PTPRG: variants seen among roughly 807,000 people sequenced by gnomAD.
PTPRG encodes the protein receptor-type tyrosine-protein phosphatase gamma.
In PTPRG, 102 loss-of-function variants were observed where a neutral mutation model predicts 165.3. That is an observed-to-expected ratio of 0.62 (90% confidence interval 0.53 to 0.73). PTPRG has a LOEUF of 0.73. Among genes scored for constraint, PTPRG ranks in the 30% least tolerant of loss-of-function variants. The pLI is 0.00. For synonymous variants in PTPRG, 675 were observed against 669.5 expected, an observed-to-expected ratio of 1.01 and a Z score of -0.13; for missense variants, 1,866 against 1,861.4, an observed-to-expected ratio of 1.00 and a Z score of -0.05.
intron 4 of PTPRG, among the ~76,000 whole-genome samples, chr3:62,012,334 G>T (rs536252876): frequency 6.6e-6 from 1 of 152,210 alleles, no homozygotes; most frequent in East Asian, 1.9e-4. Flanking sequence ...TGTTTTTCTT[G>T]TCATTGTTTT....
At chr3:61,889,726 C>T (rs553088639) in intron 2 of PTPRG, among the ~76,000 whole-genome samples, 74 of 152,310 alleles carry the variant, frequency 4.9e-4, no homozygotes, top group African/African-American at 1.6e-3. Flanking sequence ...TGGCATCACA[C>T]TCTTCCCCAG....
chr3:61,675,618 G>A (rs1248541721), intron 1 of PTPRG, among the ~76,000 whole-genome samples: 1 of 152,012 alleles, frequency 6.6e-6, no homozygotes, highest in Non-Finnish European at 1.5e-5. Flanking sequence ...GCAGTTGTAT[G>A]TCTTTTTTCT....
At chr3:62,075,761 C>T (rs1009879046) in intron 4 of PTPRG, among the ~76,000 whole-genome samples, 16 of 151,918 alleles carry the variant, frequency 1.1e-4, no homozygotes, top group East Asian at 1.9e-4. Flanking sequence ...TATTGTTCAC[C>T]GTCAAATCTC....
rs1347813298 is a variant in PTPRG at position 62,213,090 on chromosome 3, T to C, written c.2156-5761T>C. On this transcript the variant is annotated intron_variant, in intron 12 of 29. Transcript: ENST00000474889. This position sits in a 1 kb window ranked among gnomAD's most constrained non-coding sequence, Gnocchi z 4.4. ...CAGTAACTGGGCAGCTCAGTTCTGC[T>C]GGACCCTTCAGGAGGCAGCTAGGTT... Among the ~76,000 whole-genome samples, 1 of 152,168 alleles carries C rather than the reference T, an allele frequency of 6.6e-6. No homozygotes were observed. The highest frequency in any genetic ancestry group is 1.5e-5 in the Non-Finnish European group (1 of 68,028).
At chr3:62,167,885 G>A (rs1705055790) in intron 7 of PTPRG, 86 bp from the exon 8 acceptor site, 3 of 1,382,760 alleles carry the variant, frequency 2.2e-6, no homozygotes, top group Non-Finnish European at 3.1e-6. Flanking sequence ...ACCTTCACCT[G>A]CTTTGGACCA....
rs77715924 is a variant in PTPRG at position 61,748,966 on chromosome 3, G to A, written c.174G>A (p.Pro58=). Residue 58 remains proline (P), a synonymous_variant, in exon 2 of 30, where the codon CCG becomes CCA. Transcript: ENST00000474889. ...GCAGGCGCAAGGCTTCAGGCGACCC[G>A]TACTGGGCCTACTCTGGTAAGTCCA... ...QIRRRKASGD[P]YWAYSGAYGP... is the part of the protein sequence containing the mutation. 5,159 of 1,611,482 alleles carry A rather than the reference G, an allele frequency of 3.2e-3. 138 individuals are homozygous for A. In the African/African-American group the frequency reaches 0.062, roughly 19 times the overall value.
chr3:62,017,591 A>AATT (rs1553705148), intron 4 of PTPRG, among the ~76,000 whole-genome samples: 1 of 142,806 alleles, frequency 7.0e-6, no homozygotes, highest in Non-Finnish European at 1.5e-5. Flanking sequence ...AATTTTTTGT[A>AATT]TTTTTTTTTT....
chr3:61,841,189 C>T (rs771078565), intron 2 of PTPRG, among the ~76,000 whole-genome samples: 1 of 152,126 alleles, frequency 6.6e-6, no homozygotes. Flanking sequence ...TAGAAGTTTA[C>T]GCCAAAAATG....
At chr3:61,740,885 G>A (rs2032953830) in intron 1 of PTPRG, among the ~76,000 whole-genome samples, 1 of 152,056 alleles carries the variant, frequency 6.6e-6, no homozygotes, top group Non-Finnish European at 1.5e-5. Context: ...TGTATTTGAG[G>A]TTAGCTCAGT....
intron 2 of PTPRG, among the ~76,000 whole-genome samples, chr3:61,859,760 CT>C (rs1187830684): frequency 1.3e-5 from 2 of 152,020 alleles, no homozygotes; most frequent in Non-Finnish European, 2.9e-5. Context: ...TCAAAATTAC[CT>C]TTCTGTTGGC....
At chr3:61,795,829 C>T (rs1242864940) in intron 2 of PTPRG, among the ~76,000 whole-genome samples, 1 of 152,070 alleles carries the variant, frequency 6.6e-6, no homozygotes, top group Non-Finnish European at 1.5e-5. Context: ...TCCCCACCCC[C>T]ATTACAAAGT....
intron 1 of PTPRG, among the ~76,000 whole-genome samples, chr3:61,704,434 G>A (rs970564492): frequency 3.3e-5 from 5 of 152,086 alleles, no homozygotes; most frequent in Non-Finnish European, 7.4e-5. Context: ...CCTTTTCTTG[G>A]TAATCTGTTG....
At chr3:61,995,937 A>G (rs751537960) in intron 3 of PTPRG, among the ~76,000 whole-genome samples, 13 of 151,048 alleles carry the variant, frequency 8.6e-5, no homozygotes, top group Non-Finnish European at 1.6e-4. Context: ...TTGTTGTTTC[A>G]TTCTCTCCCG....
At chr3:61,748,093 A>G (rs756421799) in intron 1 of PTPRG, among the ~76,000 whole-genome samples, 2 of 152,112 alleles carry the variant, frequency 1.3e-5, no homozygotes, top group Non-Finnish European at 2.9e-5. Context: ...TGATTTTGAG[A>G]TTTCAAATAT....
chr3:61,704,823 G>A (rs1474287050), intron 1 of PTPRG, among the ~76,000 whole-genome samples: 1 of 152,166 alleles, frequency 6.6e-6, no homozygotes, highest in Non-Finnish European at 1.5e-5. Flanking sequence ...GAGATGAACT[G>A]CATTTGTTCA....
intron 5 of PTPRG, among the ~76,000 whole-genome samples, chr3:62,106,849 C>T (rs1174153373): frequency 6.6e-6 from 1 of 152,120 alleles, no homozygotes; most frequent in Non-Finnish European, 1.5e-5. Context: ...CACTGAGTAT[C>T]TTTGGGTGTA....
intron 1 of PTPRG, among the ~76,000 whole-genome samples, chr3:61,686,329 A>G (rs1335145885): frequency 6.6e-6 from 1 of 152,188 alleles, no homozygotes; most frequent in Non-Finnish European, 1.5e-5. Flanking sequence ...TTTGGCCCAT[A>G]CTAGCCCTCT....
chr3:62,191,517 C>G lies in PTPRG; in HGVS notation c.1082C>G (p.Thr361Arg). The G allele has an allele frequency of 6.2e-7, 1 of 1,614,146 alleles. No individual in the cohort carries two copies. The highest frequency in any genetic ancestry group is 8.5e-7 in the Non-Finnish European group (1 of 1,180,010). The part of the protein sequence containing the change: ...IHMKVQPLNQ[T>R]ALQVSWSQPE... ...ATGAAGGTGCAGCCTCTGAACCAGA[C>G]GGCACTGCAGGTGTCCTGGAGCCAG... is the stretch of plus-strand genomic sequence containing the variant. Residue 361 changes from threonine (T) to arginine (R), a missense_variant, in exon 9 of 30, where the codon ACG (threonine) becomes AGG (arginine). Thr to Arg is a moderately conservative substitution (Grantham distance 71, BLOSUM62 -1). Around this residue, in one of 3 missense-constraint regions of PTPRG, gnomAD observed 1,452 missense variants for 1,463.0 expected, o/e 0.99. Coordinates refer to ENST00000474889, the MANE Select transcript of PTPRG (RefSeq NM_002841.4).
At chr3:61,832,131 G>T (rs960925718) in intron 2 of PTPRG, among the ~76,000 whole-genome samples, 2 of 152,072 alleles carry the variant, frequency 1.3e-5, no homozygotes, top group Non-Finnish European at 2.9e-5. Context: ...CAAGAAGGGG[G>T]TGCTTTGCAT....
Sources: gnomAD v4.1 joint callset for allele counts (sites outside exome capture counted in the v4.1 genomes callset) on GRCh38, gnomAD v4.1.1 for gene constraint, gnomAD v4.1.1 regional missense constraint, Gnocchi (gnomAD v3.1) non-coding constraint, MANE v1.5 for transcripts, NCBI Gene and HGNC (gene_info 2026-07-23, HGNC 2026-07-21) for gene names.